CADPS: variants seen among roughly 807,000 people sequenced by gnomAD.
CADPS encodes calcium dependent secretion activator.
CADPS carries 57 observed loss-of-function variants against 167.3 expected under a neutral mutation model. That is an observed-to-expected ratio of 0.34 (90% CI 0.28 to 0.42). The LOEUF (loss-of-function observed/expected upper bound fraction) is 0.42, where lower values mean the gene tolerates loss of function less well. Among genes scored for constraint, CADPS ranks in the 20% least tolerant of loss-of-function variants. The pLI is 1.00. For missense variants in CADPS, 1,414 were observed against 1,738.1 expected, an observed-to-expected ratio of 0.81 and a Z score of 3.32; for synonymous variants, 676 against 635.3, an observed-to-expected ratio of 1.06 and a Z score of -0.96.
intron 13 of CADPS, among the ~76,000 whole-genome samples, chr3:62,531,576 G>A (rs1211884774): frequency 6.6e-6 from 1 of 152,202 alleles, no homozygotes; most frequent in Non-Finnish European, 1.5e-5. Context: ...CAAAGATGAA[G>A]ACGACTGACA....
chr3:62,814,347 CACA>C (rs1293042961), intron 1 of CADPS: 10 of 152,014 alleles, frequency 6.6e-5, no homozygotes, highest in African/African-American at 2.2e-4. Flanking sequence ...TCAATATAGC[CACA>C]ACATTATCAT....
At position 62,449,632 on chromosome 3, in the gene CADPS, T is replaced by C. The variant is rs1380366638; in HGVS notation, c.3637-3835A>G. Among the ~76,000 whole-genome samples, 4 of 152,198 alleles carry C rather than the reference T, an allele frequency of 2.6e-5. 1 individual carries two copies. Among genetic ancestry groups the C allele is most frequent in the Non-Finnish European group, 5.9e-5 (4 of 68,040 alleles). On this transcript the variant is annotated intron_variant, in intron 26 of 29. Transcript: ENST00000383710. ...GAAAATCCAAGCATGCACCAGGCACTGTATCTAGATCAAATAACCAACAGC... is the reference window on the plus strand; with the variant it reads ...GAAAATCCAAGCATGCACCAGGCACCGTATCTAGATCAAATAACCAACAGC...
chr3:62,855,091 A>ATTTTTTTTTTTTTT (rs554197608), intron 1 of CADPS, among the ~76,000 whole-genome samples: 1,762 of 92,412 alleles, frequency 0.019, 126 homozygotes, highest in African/African-American at 0.037. Context: ...TGCCCGGCTA[A>ATTTTTTTTTTTTTT]TTTTTTTTTT....
Position 62,782,509 on chromosome 3 carries a change from C to G in CADPS, c.442-16525G>C, listed in dbSNP as rs73842237. Reference sequence around the variant, plus strand: ...ACGCCCAACACTTTACTTAATGTGTCATTAAAAGAGGTAAATTTGGACTCA... The same window carrying G: ...ACGCCCAACACTTTACTTAATGTGTGATTAAAAGAGGTAAATTTGGACTCA... On this transcript the variant is annotated intron_variant, in intron 1 of 29. Coordinates refer to ENST00000383710, the MANE Select transcript of CADPS (RefSeq NM_003716.4). Among the ~76,000 whole-genome samples the G allele has an allele frequency of 9.7e-3, 1,471 of 152,236 alleles. 27 individuals carry two copies. Among genetic ancestry groups the G allele is most frequent in the African/African-American group, 0.033 (1,363 of 41,536 alleles).
At chr3:62,768,158 C>G (rs926893681) in intron 1 of CADPS, among the ~76,000 whole-genome samples, 1 of 152,126 alleles carries the variant, frequency 6.6e-6, no homozygotes, top group Non-Finnish European at 1.5e-5. Flanking sequence ...TTTTTATGTG[C>G]TTGAAACCAT....
chr3:62,532,445 C>T (rs1466428284), intron 13 of CADPS, among the ~76,000 whole-genome samples: 11 of 152,046 alleles, frequency 7.2e-5, no homozygotes, highest in Non-Finnish European at 1.5e-4. Context: ...AAAACAAAGG[C>T]AAATATTTAT....
chr3:62,761,860 C>T (rs939650902), intron 2 of CADPS, among the ~76,000 whole-genome samples: 1 of 152,178 alleles, frequency 6.6e-6, no homozygotes, highest in African/African-American at 2.4e-5. Context: ...CCCATCCCAG[C>T]CCCCAGCCCT....
At chr3:62,439,553 A>G (rs1278768700) in intron 27 of CADPS, 2 of 152,192 alleles carry the variant, frequency 1.3e-5, no homozygotes, top group Non-Finnish European at 2.9e-5. Context: ...ATGATACAAA[A>G]CAATAGAGGT....
chr3:62,638,077 T>TTATATATATATATATATATATA (rs928423543), intron 6 of CADPS, among the ~76,000 whole-genome samples: 35 of 36,782 alleles, frequency 9.5e-4, no homozygotes, highest in East Asian at 7.4e-3. Context: ...GTTTTAAGCA[T>TTATATATATATATATATATATA]TATATATATA....
chr3:62,662,664 T>C (rs2073540280), intron 3 of CADPS, among the ~76,000 whole-genome samples: 1 of 152,176 alleles, frequency 6.6e-6, no homozygotes, highest in Non-Finnish European at 1.5e-5. Flanking sequence ...GCAGCAGTGT[T>C]TCTAATGAGG....
At chr3:62,405,827 G>T (rs1469676820) in intron 28 of CADPS, among the ~76,000 whole-genome samples, 1 of 152,220 alleles carries the variant, frequency 6.6e-6, no homozygotes, top group Non-Finnish European at 1.5e-5. Flanking sequence ...AGATGAAATT[G>T]GAGGCACTTT....
intron 10 of CADPS, among the ~76,000 whole-genome samples, chr3:62,551,541 T>C (rs1335585580): frequency 6.6e-6 from 1 of 152,182 alleles, no homozygotes; most frequent in African/African-American, 2.4e-5. Context: ...AGTCAGGTCC[T>C]GTCACTCTTC....
At chr3:62,841,158 T>C (rs1439538440) in intron 1 of CADPS, among the ~76,000 whole-genome samples, 1 of 152,192 alleles carries the variant, frequency 6.6e-6, no homozygotes, top group African/African-American at 2.4e-5. Flanking sequence ...CTGAGTCTCA[T>C]CTAAATCCAT....
intron 23 of CADPS, chr3:62,477,965 T>C (rs2061531093): frequency 1.5e-5 from 5 of 331,264 alleles, no homozygotes; most frequent in Non-Finnish European, 2.8e-5. Context: ...AAGTATTTTG[T>C]GCCAGACACT....
intron 1 of CADPS, among the ~76,000 whole-genome samples, chr3:62,851,030 G>T (rs112721126): frequency 7.5e-6 from 1 of 133,324 alleles, no homozygotes; most frequent in African/African-American, 2.9e-5. Context: ...ATTATGTAAT[G>T]GCCTTCTTTG....
chr3:62,540,814 A>G (rs940916255), intron 11 of CADPS, among the ~76,000 whole-genome samples: 2 of 152,154 alleles, frequency 1.3e-5, no homozygotes, highest in Non-Finnish European at 2.9e-5. Flanking sequence ...CAAACATAAA[A>G]AAATAAATGC....
chr3:62,402,871 G>T (rs1333682918), intron 29 of CADPS, among the ~76,000 whole-genome samples: 2 of 152,204 alleles, frequency 1.3e-5, no homozygotes, highest in Non-Finnish European at 1.5e-5. Context: ...TCTGGAAAAA[G>T]ATATCAAATT....
At chr3:62,631,056 A>G (rs2065176474) in intron 6 of CADPS, among the ~76,000 whole-genome samples, 1 of 152,128 alleles carries the variant, frequency 6.6e-6, no homozygotes, top group African/African-American at 2.4e-5. Context: ...AAATGAAAAG[A>G]GACTTCTTTC....
intron 1 of CADPS, among the ~76,000 whole-genome samples, chr3:62,790,386 C>A (rs1266211816): frequency 6.6e-6 from 1 of 152,122 alleles, no homozygotes; most frequent in African/African-American, 2.4e-5. Flanking sequence ...TAGCCCTATT[C>A]ATTTCTATTC....
Sources: gnomAD v4.1 joint callset for allele counts (sites outside exome capture counted in the v4.1 genomes callset) on GRCh38, gnomAD v4.1.1 for gene constraint, MANE v1.5 for transcripts, NCBI Gene and HGNC (gene_info 2026-07-23, HGNC 2026-07-21) for gene names.